Variants in KIAA0513 observed in about 807,000 individuals in gnomAD.
KIAA0513 encodes the protein uncharacterized protein KIAA0513.
A neutral mutation model predicts 56.5 loss-of-function variants in KIAA0513; 39 were observed. The ratio of observed to expected loss-of-function variants is 0.69; its 90% CI spans 0.53 to 0.90. KIAA0513 has a LOEUF of 0.90. KIAA0513 is among the 40% of genes least tolerant of loss of function. The probability of loss-of-function intolerance (pLI) is 0.00; values close to 1 mark genes in which losing one functional copy is unlikely to be tolerated. For missense variants in KIAA0513, 591 were observed against 535.2 expected, an observed-to-expected ratio of 1.10 and a Z score of -1.03; for synonymous variants, 268 against 215.6, an observed-to-expected ratio of 1.24 and a Z score of -2.13.
At chr16:85,043,584 C>T (rs1442896503) in intron 1 of KIAA0513, among the ~76,000 whole-genome samples, 3 of 151,034 alleles carry the variant, frequency 2.0e-5, no homozygotes, top group Non-Finnish European at 4.4e-5. Flanking sequence ...ACTAATCTTT[C>T]ATATTCTTAG....
chr16:85,052,517 A>ATCAATCAG (rs1013098570), intron 1 of KIAA0513, among the ~76,000 whole-genome samples: 3 of 152,186 alleles, frequency 2.0e-5, no homozygotes, highest in Admixed American at 1.3e-4. Context: ...CCTGTCTCAA[A>ATCAATCAG]TCAATCAGTC....
chr16:85,059,843 C>T (rs1167472482), intron 1 of KIAA0513, among the ~76,000 whole-genome samples: 4 of 152,216 alleles, frequency 2.6e-5, no homozygotes, highest in Non-Finnish European at 4.4e-5. Context: ...TCATGTAGTG[C>T]GTCACTTCCT....
rs570854624 is a variant in KIAA0513, at chr16:85,076,253, A to G, written c.574+339A>G. Among the ~76,000 whole-genome samples the G allele has an allele frequency of 1.5e-4, 23 of 152,316 alleles. No homozygotes were observed. The highest frequency in any genetic ancestry group is 4.6e-4 in the Admixed American group (7 of 15,300). ...AGGAACTGCTGGACATGAAGTTATC[A>G]GTTTTATGTTTTACCAAAACAAGAC... is the stretch of plus-strand genomic sequence containing the variant. On this transcript the variant is annotated intron_variant, in intron 5 of 12. Coordinates refer to ENST00000683363, the MANE Select transcript of KIAA0513 (RefSeq NM_001388359.1). The surrounding 1 kb of genome is among the most constrained non-coding windows in gnomAD (Gnocchi z 4.7).
chr16:85,040,469 G>A (rs1196185782), intron 1 of KIAA0513, among the ~76,000 whole-genome samples: 1 of 152,162 alleles, frequency 6.6e-6, no homozygotes, highest in East Asian at 1.9e-4. Flanking sequence ...GGTGGAGGTT[G>A]CGGTGAGCTG....
At chr16:85,059,836 T>G (rs1230847167) in intron 1 of KIAA0513, among the ~76,000 whole-genome samples, 1 of 152,256 alleles carries the variant, frequency 6.6e-6, no homozygotes, top group African/African-American at 2.4e-5. Context: ...AGGCCCTTCA[T>G]GTAGTGCGTC....
intron 8 of KIAA0513, chr16:85,079,842 T>G (rs1214119106): frequency 6.6e-6 from 1 of 152,210 alleles, no homozygotes; most frequent in South Asian, 2.1e-4. Context: ...GAGGTCATGG[T>G]TGAAGTGTGA....
At chr16:85,079,268 T>A in intron 8 of KIAA0513, 1 of 589,026 alleles carries the variant, frequency 1.7e-6, no homozygotes, top group Non-Finnish European at 2.7e-6. Flanking sequence ...ACACAAGAGT[T>A]ACTCTGTGAC....
At chr16:85,067,733 G>A (rs1286643579) in intron 2 of KIAA0513, among the ~76,000 whole-genome samples, 2 of 152,140 alleles carry the variant, frequency 1.3e-5, no homozygotes, top group East Asian at 1.9e-4. Context: ...GACACGCTCC[G>A]GAGTGCCCAG....
intron 1 of KIAA0513, among the ~76,000 whole-genome samples, chr16:85,048,757 T>C (rs950531376): frequency 3.9e-5 from 6 of 152,168 alleles, no homozygotes; most frequent in African/African-American, 1.4e-4. Context: ...ATTCTACTAA[T>C]GATGATAATA....
Position 85,081,533 on chromosome 16 carries a change from C to A in KIAA0513, c.980+141C>A. 1.3e-6 allele frequency: 1 copy of A among 761,070 alleles called. No individual in the cohort carries two copies. Among genetic ancestry groups the A allele is most frequent in the South Asian group, 1.5e-5 (1 of 64,580 alleles). The allele number at this position is 761,070 out of a possible 1,614,324, so 47.1% of individuals were successfully genotyped here. ...TCTTCACCCCCTCATGGCCCTGGTG[C>A]CTCGCAAGCTGCCTGAGGGGTCACA... On this transcript the variant is annotated intron_variant, in intron 9 of 12. Coordinates refer to ENST00000683363, the MANE Select transcript of KIAA0513 (RefSeq NM_001388359.1). The surrounding 1 kb of genome is among the most constrained non-coding windows in gnomAD (Gnocchi z 4.4).
intron 10 of KIAA0513, among the ~76,000 whole-genome samples, chr16:85,083,755 C>T (rs1273216839): frequency 6.6e-6 from 1 of 152,338 alleles, no homozygotes; most frequent in Non-Finnish European, 1.5e-5. Flanking sequence ...TGAGCCTTCC[C>T]CAGAAGAAGG....
chr16:85,053,742 C>T (rs1421782436), intron 1 of KIAA0513, among the ~76,000 whole-genome samples: 1 of 152,116 alleles, frequency 6.6e-6, no homozygotes, highest in East Asian at 1.9e-4. Context: ...CCTATAATCC[C>T]AGCACTTTGG....
At position 85,091,612 on chromosome 16, in the gene KIAA0513, C is replaced by A. The variant is rs2073868197; in HGVS notation, c.*3287C>A. ...GCACCGAGGCCCAGTGGGGGAATCA[C>A]AGACATCACCAAGTCTCGTCTTCTT... On this transcript the variant is annotated 3_prime_UTR_variant, in exon 13 of 13. Transcript: ENST00000683363. The A allele has an allele frequency of 1.3e-5, 2 of 152,206 alleles. No individual in the cohort carries two copies. Among genetic ancestry groups the A allele is most frequent in the African/African-American group, 4.8e-5 (2 of 41,452 alleles). The allele number at this position is 152,206 out of a possible 1,614,324, so 9.4% of individuals were successfully genotyped here. A position where few individuals can be genotyped will look rare whatever the true frequency, so the allele number is the denominator to read the frequency against.
intron 1 of KIAA0513, among the ~76,000 whole-genome samples, chr16:85,038,288 T>C (rs1034911564): frequency 6.6e-6 from 1 of 152,334 alleles, no homozygotes; most frequent in East Asian, 1.9e-4. Flanking sequence ...CGGCTGAAGG[T>C]GCTCCTTGCT....
At chr16:85,078,122 G>A (rs898790532) in intron 6 of KIAA0513, among the ~76,000 whole-genome samples, 6 of 152,128 alleles carry the variant, frequency 3.9e-5, no homozygotes, top group Non-Finnish European at 8.8e-5. Flanking sequence ...GGGAGCCCCC[G>A]GGGTCCCCTG....
At chr16:85,050,579 G>A (rs571462247) in intron 1 of KIAA0513, among the ~76,000 whole-genome samples, 1 of 152,188 alleles carries the variant, frequency 6.6e-6, no homozygotes, top group African/African-American at 2.4e-5. Flanking sequence ...GCTTCCCAAA[G>A]TGCTAGGATT....
Position 85,044,919 on chromosome 16 carries a change from C to G in KIAA0513, c.-173+17061C>G, listed in dbSNP as rs943717770. On this transcript the variant is annotated intron_variant, in intron 1 of 12. Transcript: ENST00000683363. ...GGATCATGAGGTCAGGAGACCAAGACCATCCTGGCTAACACAGTGAAACCC... is the reference window on the plus strand; with the variant it reads ...GGATCATGAGGTCAGGAGACCAAGAGCATCCTGGCTAACACAGTGAAACCC... Among the ~76,000 whole-genome samples, 12 of 152,102 alleles carry G rather than the reference C, an allele frequency of 7.9e-5. 1 individual carries two copies. In the South Asian group the frequency reaches 1.9e-3, roughly 24 times the overall value.
At chr16:85,077,044 C>T (rs995971247) in intron 5 of KIAA0513, among the ~76,000 whole-genome samples, 11 of 152,152 alleles carry the variant, frequency 7.2e-5, no homozygotes, top group African/African-American at 2.4e-4. Context: ...AACCCGGTGT[C>T]TCCACACTCC....
In KIAA0513 at chr16:85,043,984, T is replaced by C. The variant is rs150246058; in HGVS notation, c.-173+16126T>C. Among the ~76,000 whole-genome samples, 1,233 of 152,172 alleles carry C rather than the reference T, an allele frequency of 8.1e-3. 25 individuals carry two copies. Among genetic ancestry groups the C allele is most frequent in the African/African-American group, 0.028 (1,146 of 41,526 alleles). On this transcript the variant is annotated intron_variant, in intron 1 of 12. Transcript: ENST00000683363. ...AGCGGAGGTTGTGGTGAGTGGAGAT[T>C]GCGCCAGTGCACTCCAGCCTGGGCA...
Sources: allele counts gnomAD v4.1 joint callset (sites outside exome capture counted in the v4.1 genomes callset), GRCh38; gene constraint gnomAD v4.1.1; non-coding constraint Gnocchi (gnomAD v3.1); transcripts MANE v1.5; gene names NCBI Gene and HGNC (gene_info 2026-07-23, HGNC 2026-07-21).